Variants in SNX3 observed in about 807,000 individuals in gnomAD.
The protein encoded by SNX3 is sorting nexin-3.
A neutral mutation model predicts 17.7 loss-of-function variants in SNX3; 5 were observed. That is an observed-to-expected ratio of 0.28 (90% CI 0.15 to 0.59). The LOEUF (loss-of-function observed/expected upper bound fraction) is 0.59, where lower values mean the gene tolerates loss of function less well. SNX3 is among the 20% of genes least tolerant of loss of function. The pLI is 0.88. For synonymous variants in SNX3, 91 were observed against 76.5 expected, an observed-to-expected ratio of 1.19 and a Z score of -0.99; for missense variants, 132 against 206.8, an observed-to-expected ratio of 0.64 and a Z score of 2.22.
intron 2 of SNX3, among the ~76,000 whole-genome samples, chr6:108,222,040 A>T (rs928040821): frequency 6.6e-6 from 1 of 152,030 alleles, no homozygotes; most frequent in African/African-American, 2.4e-5. Flanking sequence ...TATAGGCATG[A>T]GCCACCATGC....
At chr6:108,254,361 G>A (rs1775969414) in intron 1 of SNX3, among the ~76,000 whole-genome samples, 1 of 152,050 alleles carries the variant, frequency 6.6e-6, no homozygotes, top group Non-Finnish European at 1.5e-5. Context: ...TTACTCAGGA[G>A]GCGAAGGTTG....
intron 1 of SNX3, among the ~76,000 whole-genome samples, chr6:108,239,169 C>T (rs1446514237): frequency 1.3e-5 from 2 of 152,190 alleles, no homozygotes; most frequent in Non-Finnish European, 2.9e-5. Flanking sequence ...TCCCAAAGTG[C>T]TGGGATTACA....
At chr6:108,242,945 A>G (rs1482966964) in intron 1 of SNX3, among the ~76,000 whole-genome samples, 3 of 152,000 alleles carry the variant, frequency 2.0e-5, no homozygotes, top group Non-Finnish European at 4.4e-5. Context: ...TGAAACCACA[A>G]CCCCGACCAA....
intron 1 of SNX3, among the ~76,000 whole-genome samples, chr6:108,238,538 G>A (rs561365052): frequency 2.0e-5 from 3 of 152,262 alleles, no homozygotes; most frequent in Admixed American, 1.3e-4. Flanking sequence ...CCTGAGGTAG[G>A]CGGATCCTTT....
chr6:108,246,454 A>G (rs972003579), intron 1 of SNX3, among the ~76,000 whole-genome samples: 2 of 147,264 alleles, frequency 1.4e-5, no homozygotes, highest in African/African-American at 5.0e-5. Flanking sequence ...CCTCCCGACT[A>G]GCTGGGATTA....
chr6:108,246,477 A>C (rs996457145), intron 1 of SNX3, among the ~76,000 whole-genome samples: 3 of 149,568 alleles, frequency 2.0e-5, no homozygotes, highest in Non-Finnish European at 4.5e-5. Context: ...GGCACACACC[A>C]CCATGCCTAA....
chr6:108,253,844 G>A (rs1016665042), intron 1 of SNX3, among the ~76,000 whole-genome samples: 1 of 152,032 alleles, frequency 6.6e-6, no homozygotes. Context: ...CACCACTGCC[G>A]GCCGGGCTTG....
At chr6:108,256,281 T>A (rs983250030) in intron 1 of SNX3, among the ~76,000 whole-genome samples, 1 of 152,190 alleles carries the variant, frequency 6.6e-6, no homozygotes, top group Non-Finnish European at 1.5e-5. Context: ...CCAAATAAGA[T>A]AGCTTATTTT....
intron 1 of SNX3, among the ~76,000 whole-genome samples, chr6:108,253,393 CTT>C (rs369223904): frequency 6.2e-4 from 76 of 123,370 alleles, no homozygotes; most frequent in Admixed American, 1.1e-3. Flanking sequence ...ATACATATGT[CTT>C]TTTTTTTTTT....
chr6:108,220,654 C>T (rs932774911), intron 2 of SNX3, among the ~76,000 whole-genome samples: 12 of 152,148 alleles, frequency 7.9e-5, no homozygotes, highest in African/African-American at 2.7e-4. Context: ...CATATGACTA[C>T]ACCACATTGT....
At chr6:108,233,555 C>T (rs1221971717) in intron 1 of SNX3, among the ~76,000 whole-genome samples, 1 of 152,056 alleles carries the variant, frequency 6.6e-6, no homozygotes, top group Non-Finnish European at 1.5e-5. Context: ...TCGAGACCAG[C>T]CTGGCCAACA....
Position 108,261,032 on chromosome 6 carries a change from C to G in SNX3, c.-111G>C. On this transcript the variant is annotated 5_prime_UTR_variant, in exon 1 of 4. Transcript: ENST00000230085. The stretch of plus-strand genomic sequence containing the variant: ...GGACACGGGGCTCGCGCGCAGCGGT[C>G]GCGAAGAGAACGAGCACGTAGAGCG... The G allele has an allele frequency of 1.8e-6, 2 of 1,085,256 alleles. No homozygotes were observed. Among genetic ancestry groups the G allele is most frequent in the South Asian group, 2.1e-5 (1 of 48,720 alleles). The allele number at this position is 1,085,256 out of a possible 1,614,324, so 67.2% of individuals were successfully genotyped here. A position where few individuals can be genotyped will look rare whatever the true frequency, so the allele number is the denominator to read the frequency against.
rs1774418762 is a variant in SNX3, at chr6:108,211,956, T to C, written c.*193A>G. On this transcript the variant is annotated 3_prime_UTR_variant, in exon 4 of 4. Transcript: ENST00000230085. ...GAAAGAGCTATTTATATAGAAAGGC[T>C]GGAATGAGGGATTTTTACTAAAGCA... 2.2e-5 allele frequency: 11 copies of C among 494,186 alleles called. No homozygotes were observed. The South Asian group carries it at 2.4e-4, about 11-fold the overall frequency. 30.6% of individuals were successfully genotyped at this position (494,186 alleles called of 1,614,324 possible). A position where few individuals can be genotyped will look rare whatever the true frequency, so the allele number is the denominator to read the frequency against.
chr6:108,235,598 A>G (rs1775303270), intron 1 of SNX3, among the ~76,000 whole-genome samples: 1 of 152,190 alleles, frequency 6.6e-6, no homozygotes, highest in African/African-American at 2.4e-5. Context: ...TGGTAACTCA[A>G]AAGTACATAG....
intron 1 of SNX3, among the ~76,000 whole-genome samples, chr6:108,250,263 T>C (rs1316490404): frequency 3.9e-5 from 6 of 152,196 alleles, no homozygotes; most frequent in African/African-American, 1.4e-4. Context: ...ATTATTTCAA[T>C]GTTACATGAG....
At chr6:108,218,861 T>C (rs1439333825) in intron 2 of SNX3, among the ~76,000 whole-genome samples, 1 of 151,660 alleles carries the variant, frequency 6.6e-6, no homozygotes, top group African/African-American at 2.4e-5. Context: ...TGAGGAAGGG[T>C]TGGGGAGAAA....
intron 1 of SNX3, among the ~76,000 whole-genome samples, chr6:108,236,384 T>A (rs71558309): frequency 0.49 from 52,152 of 107,288 alleles, 11,376 homozygotes; most frequent in East Asian, 0.67. Context: ...TATTATTTTT[T>A]TTTTTTTTTT....
intron 1 of SNX3, among the ~76,000 whole-genome samples, chr6:108,241,261 C>G: frequency 6.7e-6 from 1 of 150,374 alleles, no homozygotes; most frequent in East Asian, 2.0e-4. Flanking sequence ...CTTTCACAGA[C>G]AAGGGAGAGC....
intron 1 of SNX3, among the ~76,000 whole-genome samples, chr6:108,223,563 T>A (rs2114717542): frequency 6.9e-6 from 1 of 144,748 alleles, no homozygotes; most frequent in African/African-American, 2.7e-5. Flanking sequence ...AGTGATGTGA[T>A]CTTGGCTCAC....
Sources: gnomAD v4.1 joint callset for allele counts (sites outside exome capture counted in the v4.1 genomes callset) on GRCh38, gnomAD v4.1.1 for gene constraint, MANE v1.5 for transcripts, NCBI Gene and HGNC (gene_info 2026-07-23, HGNC 2026-07-21) for gene names.